SLC25A31: variants seen among roughly 807,000 people sequenced by gnomAD.
SLC25A31 encodes the protein ADP/ATP translocase 4.
In SLC25A31, 40 loss-of-function variants were observed where a neutral mutation model predicts 36.2. That is an observed-to-expected ratio of 1.10 (90% CI 0.86 to 1.44). The LOEUF is 1.44. Ranked by LOEUF, SLC25A31 falls within the 40% of genes most tolerant of loss-of-function variation. The pLI is 0.00. For synonymous variants in SLC25A31, 143 were observed against 149.7 expected, an observed-to-expected ratio of 0.96 and a Z score of 0.32; for missense variants, 350 against 397.1, an observed-to-expected ratio of 0.88 and a Z score of 1.01.
At position 127,730,456 on chromosome 4, in the gene SLC25A31, G is replaced by T; in HGVS notation, c.-90G>T. The T allele has an allele frequency of 7.4e-7, 1 of 1,348,004 alleles. No homozygotes were observed. Among genetic ancestry groups the T allele is most frequent in the South Asian group, 1.3e-5 (1 of 75,236 alleles). 83.5% of individuals were successfully genotyped at this position (1,348,004 alleles called of 1,614,324 possible). A position where few individuals can be genotyped will look rare whatever the true frequency, so the allele number is the denominator to read the frequency against. On this transcript the variant is annotated 5_prime_UTR_variant, in exon 1 of 6. Transcript: ENST00000281154. ...GCCACTTTCTCGCCAGTACGATGCT[G>T]CAGCGGTTTTCCGGTTTTCCGCTTC...
At chr4:127,750,059 T>C (rs560888359) in intron 2 of SLC25A31, among the ~76,000 whole-genome samples, 1 of 152,190 alleles carries the variant, frequency 6.6e-6, no homozygotes, top group Non-Finnish European at 1.5e-5. Context: ...AAAAAAAATG[T>C]CAGCCAAGAA....
chr4:127,773,580 A>G lies in SLC25A31; in HGVS notation c.*6A>G. On this transcript the variant is annotated 3_prime_UTR_variant, in exon 6 of 6. Transcript: ENST00000281154. ...TTGATATTGGTGGTAGGTAATCGGGAGAGTAAATTAAGAAATACATGGATT... is the reference window on the plus strand; with the variant it reads ...TTGATATTGGTGGTAGGTAATCGGGGGAGTAAATTAAGAAATACATGGATT... 6.4e-7 allele frequency: 1 copy of G among 1,556,190 alleles called. No homozygotes were observed. Among genetic ancestry groups the G allele is most frequent in the Non-Finnish European group, 8.7e-7 (1 of 1,154,682 alleles).
intron 3 of SLC25A31, among the ~76,000 whole-genome samples, chr4:127,764,847 A>T (rs1031575209): frequency 1.3e-5 from 2 of 152,108 alleles, no homozygotes; most frequent in Admixed American, 6.5e-5. Flanking sequence ...TACATATCTT[A>T]AAAAAAGTGT....
At chr4:127,767,333 G>A in intron 4 of SLC25A31, 113 bp downstream of exon 4, 1 of 1,024,272 alleles carries the variant, frequency 9.8e-7, no homozygotes, top group African/African-American at 1.7e-5. Flanking sequence ...AATCAGTGAT[G>A]AAAAAAGAGA....
At chr4:127,742,920 T>C (rs1731757707) in intron 1 of SLC25A31, among the ~76,000 whole-genome samples, 1 of 152,142 alleles carries the variant, frequency 6.6e-6, no homozygotes, top group Admixed American at 6.5e-5. Flanking sequence ...TTTCCATGTA[T>C]TTGTGAACTT....
chr4:127,758,401 C>T (rs868397901), intron 2 of SLC25A31, among the ~76,000 whole-genome samples: 4 of 152,238 alleles, frequency 2.6e-5, no homozygotes, highest in South Asian at 2.1e-4. Context: ...TTGTCAGATG[C>T]ATAGTTTGCA....
chr4:127,764,205 T>C, intron 2 of SLC25A31, 38 bp from the exon 3 acceptor site: 1 of 1,517,266 alleles, frequency 6.6e-7, no homozygotes, highest in Non-Finnish European at 9.1e-7. Context: ...AGTTAGATTC[T>C]GTGGTTTAAT....
chr4:127,762,599 A>C (rs1034072020), intron 2 of SLC25A31, among the ~76,000 whole-genome samples: 2 of 152,176 alleles, frequency 1.3e-5, no homozygotes, highest in African/African-American at 4.8e-5. Context: ...AAAGCTGTTA[A>C]GGAAAAATAA....
intron 2 of SLC25A31, among the ~76,000 whole-genome samples, chr4:127,754,259 T>C (rs1299694666): frequency 6.6e-6 from 1 of 152,088 alleles, no homozygotes; most frequent in Non-Finnish European, 1.5e-5. Flanking sequence ...TCACCACTTC[T>C]ATTCAACAAA....
At chr4:127,771,777 T>G (rs1389883267) in intron 5 of SLC25A31, among the ~76,000 whole-genome samples, 1 of 152,238 alleles carries the variant, frequency 6.6e-6, no homozygotes, top group Non-Finnish European at 1.5e-5. Flanking sequence ...ACAGTTCCTT[T>G]CTGTTCCTGG....
rs146987335 is a variant in SLC25A31, at chr4:127,757,637, C to T, written c.361-6606C>T. On this transcript the variant is annotated intron_variant, in intron 2 of 5. Coordinates refer to ENST00000281154, the MANE Select transcript of SLC25A31 (RefSeq NM_031291.4). ...CTTTTTCATACAATAATTTCTCTTC[C>T]TTTGGATAGATAGCCAGTAATAGGA... 6.7e-3 allele frequency among the ~76,000 whole-genome samples: 1,019 copies of T among 152,226 alleles called. 6 individuals carry two copies. Among genetic ancestry groups the T allele is most frequent in the Non-Finnish European group, 9.2e-3 (628 of 68,002 alleles).
intron 1 of SLC25A31, among the ~76,000 whole-genome samples, chr4:127,739,487 T>C (rs914599009): frequency 1.3e-5 from 2 of 152,232 alleles, no homozygotes; most frequent in East Asian, 3.8e-4. Flanking sequence ...TTTCTCTTTG[T>C]ACATGATCTG....
At chr4:127,737,690 C>T (rs1006264234) in intron 1 of SLC25A31, among the ~76,000 whole-genome samples, 2 of 151,972 alleles carry the variant, frequency 1.3e-5, no homozygotes, top group Admixed American at 6.6e-5. Context: ...TAGCAGGGAG[C>T]ACAGGCACAT....
Position 127,773,601 on chromosome 4 carries a change from G to A in SLC25A31, c.*27G>A, listed in dbSNP as rs1180174279. ...CGGGAGAGTAAATTAAGAAATACATGGATTTAACTTGTTAAACATACAAAT... is the reference window on the plus strand; with the variant it reads ...CGGGAGAGTAAATTAAGAAATACATAGATTTAACTTGTTAAACATACAAAT... On this transcript the variant is annotated 3_prime_UTR_variant, in exon 6 of 6. Coordinates refer to ENST00000281154, the MANE Select transcript of SLC25A31 (RefSeq NM_031291.4). 1 of 1,496,384 alleles carries A rather than the reference G, an allele frequency of 6.7e-7. No homozygotes were observed. The highest frequency in any genetic ancestry group is 1.4e-5 in the African/African-American group (1 of 71,220). 92.7% of individuals were successfully genotyped at this position (1,496,384 alleles called of 1,614,324 possible).
chr4:127,757,842 T>C (rs1473610274), intron 2 of SLC25A31, among the ~76,000 whole-genome samples: 2 of 152,194 alleles, frequency 1.3e-5, no homozygotes, highest in Admixed American at 1.3e-4. Flanking sequence ...TGGTATCTCA[T>C]TGTGCTTTTA....
intron 2 of SLC25A31, among the ~76,000 whole-genome samples, chr4:127,748,884 G>A (rs766151756): frequency 4.6e-5 from 7 of 151,880 alleles, no homozygotes; most frequent in Non-Finnish European, 8.8e-5. Context: ...AGGCAACCAG[G>A]GCATCACCAA....
intron 1 of SLC25A31, among the ~76,000 whole-genome samples, chr4:127,744,036 G>A (rs114119897): frequency 1.6e-3 from 251 of 152,170 alleles, no homozygotes; most frequent in Middle Eastern, 3.4e-3. Flanking sequence ...AATTTTAAGG[G>A]GTACACAATG....
intron 2 of SLC25A31, among the ~76,000 whole-genome samples, chr4:127,748,063 T>C (rs1374814586): frequency 6.6e-6 from 1 of 152,158 alleles, no homozygotes; most frequent in African/African-American, 2.4e-5. Context: ...AGGGTTTTTC[T>C]TTGGGATCAG....
chr4:127,762,211 T>C (rs903081440), intron 2 of SLC25A31, among the ~76,000 whole-genome samples: 3 of 152,116 alleles, frequency 2.0e-5, no homozygotes, highest in Non-Finnish European at 2.9e-5. Flanking sequence ...AGCTGATGAG[T>C]AGATAATGTT....
Sources: gnomAD v4.1 joint callset for allele counts (sites outside exome capture counted in the v4.1 genomes callset) on GRCh38, gnomAD v4.1.1 for gene constraint, MANE v1.5 for transcripts, NCBI Gene and HGNC (gene_info 2026-07-23, HGNC 2026-07-21) for gene names.